The following OSBPL9 variants were observed in gnomAD, a reference collection of about 807,000 sequenced individuals.
OSBPL9 encodes the protein oxysterol-binding protein-related protein 9.
A neutral mutation model predicts 106.6 loss-of-function variants in OSBPL9; 40 were observed. The observed-to-expected ratio is 0.38, with a 90% confidence interval of 0.29 to 0.49. The LOEUF is 0.49. OSBPL9 is among the 20% of genes least tolerant of loss of function. The pLI is 0.97. For missense variants in OSBPL9, 609 were observed against 887.2 expected, an observed-to-expected ratio of 0.69 and a Z score of 3.98; for synonymous variants, 269 against 295.4, an observed-to-expected ratio of 0.91 and a Z score of 0.92.
chr1:51,726,987 T>C (rs1663229111), intron 4 of OSBPL9, among the ~76,000 whole-genome samples: 1 of 152,244 alleles, frequency 6.6e-6, no homozygotes, highest in Non-Finnish European at 1.5e-5. Context: ...AACAAATAGC[T>C]ATCTGTAGTA....
intron 3 of OSBPL9, among the ~76,000 whole-genome samples, chr1:51,702,335 C>T (rs1264585114): frequency 1.3e-5 from 2 of 152,136 alleles, no homozygotes; most frequent in African/African-American, 4.8e-5. Flanking sequence ...TTAATGATCG[C>T]CATTCTAACT....
chr1:51,616,916 G>T, upstream of OSBPL9: 2 of 932,470 alleles, frequency 2.1e-6, no homozygotes, highest in Non-Finnish European at 3.1e-6. Context: ...TTGCATTCTC[G>T]CATCCGTGGC....
intron 1 of OSBPL9, among the ~76,000 whole-genome samples, chr1:51,590,199 GA>G (rs891367492): frequency 1.3e-5 from 2 of 152,078 alleles, no homozygotes; most frequent in Non-Finnish European, 2.9e-5. Flanking sequence ...AAGTCATTCT[GA>G]AATTTATATG....
At chr1:51,615,154 C>T (rs57004594), upstream of OSBPL9, among the ~76,000 whole-genome samples, 5,093 of 152,134 alleles carry the variant, frequency 0.033, 166 homozygotes, top group Middle Eastern at 0.088. Flanking sequence ...TGGGAGGCTG[C>T]GGCAAGAGAA....
intron 13 of OSBPL9, 83 bp from the exon 14 acceptor site, chr1:51,772,522 A>G (rs1011655661): frequency 8.6e-7 from 1 of 1,159,422 alleles, no homozygotes; most frequent in Admixed American, 1.7e-5. Flanking sequence ...TCTCAAACAA[A>G]CAAACAAACA....
At chr1:51,705,794 G>T (rs1014163153) in intron 3 of OSBPL9, among the ~76,000 whole-genome samples, 4 of 152,042 alleles carry the variant, frequency 2.6e-5, no homozygotes, top group African/African-American at 9.7e-5. Flanking sequence ...GATGTTGATC[G>T]ATTTTTTTTC....
rs149643314 is a variant in OSBPL9, at chr1:51,721,638, C to T, written c.318+7559C>T. Among the ~76,000 whole-genome samples the T allele has an allele frequency of 6.4e-3, 971 of 152,296 alleles. 7 individuals carry two copies. Among genetic ancestry groups the T allele is most frequent in the Non-Finnish European group, 0.011 (758 of 68,030 alleles). On this transcript the variant is annotated intron_variant, in intron 4 of 23. Coordinates refer to ENST00000428468, the MANE Select transcript of OSBPL9 (RefSeq NM_024586.6). Reference sequence around the variant, plus strand: ...TGAGCATTTTTCTTGAACTACTTCACTGAAGATTAGCTTTTTGAGCATCCA... The same window carrying T: ...TGAGCATTTTTCTTGAACTACTTCATTGAAGATTAGCTTTTTGAGCATCCA...
At chr1:51,781,371 T>C (rs1042531225) in intron 16 of OSBPL9, 36 bp downstream of exon 16, 1 of 1,578,592 alleles carries the variant, frequency 6.3e-7, no homozygotes, top group Admixed American at 1.7e-5. Context: ...ATTATCTTAA[T>C]TGTATACTGA....
chr1:51,567,194 C>T, the OSBPL9 span: 1 of 152,208 alleles, frequency 6.6e-6, no homozygotes, highest in Non-Finnish European at 1.5e-5. Flanking sequence ...TTTCCTTAGC[C>T]TCCAGGTTGG....
chr1:51,530,445 C>A, the OSBPL9 span, among the ~76,000 whole-genome samples: 1 of 151,822 alleles, frequency 6.6e-6, no homozygotes, highest in Non-Finnish European at 1.5e-5. Context: ...AGAACCCTTA[C>A]AACTCAACAA....
chr1:51,573,934 T>C (rs1408621324), upstream of OSBPL9: 1 of 152,180 alleles, frequency 6.6e-6, no homozygotes, highest in Non-Finnish European at 1.5e-5. Flanking sequence ...TATGTGCTAA[T>C]ACTGAGTTCC....
chr1:51,597,172 G>C (rs1294741810), intron 1 of OSBPL9, among the ~76,000 whole-genome samples: 1 of 152,156 alleles, frequency 6.6e-6, no homozygotes, highest in East Asian at 1.9e-4. Context: ...GGAAGGAGGT[G>C]AGGCTGGAGA....
rs1645166276 is a variant in OSBPL9 at position 51,632,457 on chromosome 1, T to C, written c.111+15236T>C. 3.5e-5 allele frequency among the ~76,000 whole-genome samples: 5 copies of C among 144,728 alleles called. No homozygotes were observed. The South Asian group carries it at 1.1e-3, about 31-fold the overall frequency. The allele number at this position is 144,728 out of a possible 152,430, so 94.9% of individuals were successfully genotyped here. Reference sequence around the variant, plus strand: ...TCAAGGTCTAACTTCAAATAGAATGTTCTTTCTGGGATACACTAGATTAAT... The same window carrying C: ...TCAAGGTCTAACTTCAAATAGAATGCTCTTTCTGGGATACACTAGATTAAT... On this transcript the variant is annotated intron_variant, in intron 1 of 23. Transcript: ENST00000428468.
At chr1:51,707,307 C>T (rs981603144) in intron 3 of OSBPL9, 25 of 203,780 alleles carry the variant, frequency 1.2e-4, no homozygotes, top group African/African-American at 2.8e-4. Flanking sequence ...AGGAGACACC[C>T]GGGTGTTCAG....
chr1:51,558,010 A>C, the OSBPL9 span, among the ~76,000 whole-genome samples: 1 of 152,200 alleles, frequency 6.6e-6, no homozygotes, highest in Non-Finnish European at 1.5e-5. Context: ...TAATTTAAAA[A>C]AAAATCATGC....
Position 51,762,002 on chromosome 1 carries a change from A to G in OSBPL9, c.778+31A>G, listed in dbSNP as rs756903906. 9 of 1,463,980 alleles carry G rather than the reference A, an allele frequency of 6.1e-6. No individual in the cohort carries two copies. The East Asian group carries it at 1.8e-4, about 30-fold the overall frequency. The allele number at this position is 1,463,980 out of a possible 1,614,324, so 90.7% of individuals were successfully genotyped here. ...GATTTGCATAATTTCTTTATGTCTC[A>G]TAACTCTATTAACATTTGAGGTTTG... On this transcript the variant is annotated intron_variant, in intron 11 of 23. Transcript: ENST00000428468.
At chr1:51,567,981 G>T in the OSBPL9 span, 1 of 152,244 alleles carries the variant, frequency 6.6e-6, no homozygotes, top group Admixed American at 6.5e-5. Flanking sequence ...TCAAATTTGG[G>T]ATTATTTGAG....
chr1:51,624,385 C>G (rs1404602378), intron 1 of OSBPL9, among the ~76,000 whole-genome samples: 1 of 151,792 alleles, frequency 6.6e-6, no homozygotes, highest in African/African-American at 2.4e-5. Flanking sequence ...GTCAGGAGTT[C>G]AAGACAAGCC....
At chr1:51,671,441 T>C (rs1246710093) in intron 3 of OSBPL9, among the ~76,000 whole-genome samples, 2 of 152,320 alleles carry the variant, frequency 1.3e-5, no homozygotes, top group East Asian at 3.9e-4. Context: ...AGTTGATGCA[T>C]TATAAAACAA....
Sources: allele counts gnomAD v4.1 joint callset (sites outside exome capture counted in the v4.1 genomes callset), GRCh38; gene constraint gnomAD v4.1.1; transcripts MANE v1.5; gene names NCBI Gene and HGNC (gene_info 2026-07-23, HGNC 2026-07-21).